Variants in SND1 observed in about 807,000 individuals in gnomAD.
SND1 encodes the protein staphylococcal nuclease and tudor domain containing 1.
In SND1, 38 loss-of-function variants were observed where a neutral mutation model predicts 121.7. That is an observed-to-expected ratio of 0.31 (90% CI 0.24 to 0.41). The LOEUF (loss-of-function observed/expected upper bound fraction) is 0.41, where lower values mean the gene tolerates loss of function less well. Ranked by LOEUF, SND1 falls within the 10% of genes least tolerant of loss-of-function variation. The probability of loss-of-function intolerance (pLI) is 1.00; values close to 1 mark genes in which losing one functional copy is unlikely to be tolerated. For missense variants in SND1, 868 were observed against 1,184.6 expected (o/e 0.73, Z 3.92); for synonymous variants, 401 against 447.4 (o/e 0.90, Z 1.31).
intron 10 of SND1, among the ~76,000 whole-genome samples, chr7:127,806,869 G>A (rs1798247627): frequency 6.6e-6 from 1 of 152,180 alleles, no homozygotes; most frequent in Admixed American, 6.5e-5. Context: ...TGAGGCACAA[G>A]AGTTGCTTGA....
chr7:127,788,648 G>A (rs1446174944), intron 10 of SND1, among the ~76,000 whole-genome samples: 1 of 152,118 alleles, frequency 6.6e-6, no homozygotes, highest in Non-Finnish European at 1.5e-5. Flanking sequence ...CTTCCAGTGG[G>A]CATGTTTTGG....
At chr7:127,978,259 G>A (rs1424542264) in intron 15 of SND1, among the ~76,000 whole-genome samples, 1 of 152,124 alleles carries the variant, frequency 6.6e-6, no homozygotes, top group Non-Finnish European at 1.5e-5. Flanking sequence ...TCACTAAGGG[G>A]TTGGCGCTCA....
At chr7:128,036,201 A>ATT (rs779653099) in intron 16 of SND1, among the ~76,000 whole-genome samples, 35 of 83,032 alleles carry the variant, frequency 4.2e-4, no homozygotes, top group Non-Finnish European at 6.2e-4. Context: ...TAATGAACAC[A>ATT]TTTGTGTGTG....
At position 127,698,565 on chromosome 7, in the gene SND1, C is replaced by G. The variant is rs571816256; in HGVS notation, c.350-310C>G. ...ACCACTTTATACTCTCTTGAGCTGC[C>G]AGCTGTGTGTGTCTTGCTTTCTTGT... On this transcript the variant is annotated intron_variant, in intron 3 of 23. Transcript: ENST00000354725. 3.9e-5 allele frequency among the ~76,000 whole-genome samples: 6 copies of G among 152,242 alleles called. No homozygotes were observed. In the East Asian group the frequency reaches 9.7e-4, roughly 24 times the overall value.
At chr7:127,864,312 G>A (rs2116688415) in intron 12 of SND1, among the ~76,000 whole-genome samples, 1 of 151,726 alleles carries the variant, frequency 6.6e-6, no homozygotes, top group South Asian at 2.1e-4. Flanking sequence ...AATACAATCT[G>A]ATGGCTTCTC....
intron 15 of SND1, among the ~76,000 whole-genome samples, chr7:127,986,815 G>A (rs1454596350): frequency 6.6e-6 from 1 of 152,244 alleles, no homozygotes; most frequent in Non-Finnish European, 1.5e-5. Flanking sequence ...AGTCAGCTGA[G>A]TCCCCCCATG....
chr7:128,062,128 G>A (rs1049526457), intron 16 of SND1, among the ~76,000 whole-genome samples: 11 of 152,244 alleles, frequency 7.2e-5, no homozygotes, highest in African/African-American at 2.4e-4. Context: ...TTCTGTGTCC[G>A]ATCTGGAGTG....
chr7:127,889,626 A>AT lies in SND1; in HGVS notation c.1454+1625dup, dbSNP rs71522260. ...TAGGTCTTATTGATTCTTTCAAGCTATTTTTTTTTTTGTACCCATTATCCA... is the reference window on the plus strand; with the variant it reads ...TAGGTCTTATTGATTCTTTCAAGCTATTTTTTTTTTTTGTACCCATTATCCA... On this transcript the variant is annotated intron_variant, in intron 13 of 23. Coordinates refer to ENST00000354725, the MANE Select transcript of SND1 (RefSeq NM_014390.4). Among the ~76,000 whole-genome samples the AT allele has an allele frequency of 2.3e-3, 337 of 147,836 alleles. 1 individual carries two copies. Among genetic ancestry groups the AT allele is most frequent in the African/African-American group, 7.4e-3 (297 of 40,390 alleles).
intron 2 of SND1, among the ~76,000 whole-genome samples, chr7:127,690,075 A>G (rs1408496631): frequency 6.6e-6 from 1 of 152,020 alleles, no homozygotes; most frequent in African/African-American, 2.4e-5. Context: ...ATGTTGAAAT[A>G]ATAGTCTCTT....
intron 16 of SND1, among the ~76,000 whole-genome samples, chr7:128,037,659 C>CCCTATA (rs1792774349): frequency 6.6e-6 from 1 of 152,124 alleles, no homozygotes; most frequent in African/African-American, 2.4e-5. Flanking sequence ...GGTGACTCTT[C>CCCTATA]CCTATACCTG....
At chr7:127,802,519 G>A (rs868235875) in intron 10 of SND1, among the ~76,000 whole-genome samples, 7 of 152,072 alleles carry the variant, frequency 4.6e-5, no homozygotes, top group African/African-American at 1.7e-4. Flanking sequence ...TTGTCCACTC[G>A]TTTTCTTTTC....
rs568307821 is a variant in SND1 at position 127,745,764 on chromosome 7, T to A, written c.1152+24364T>A. Among the ~76,000 whole-genome samples the A allele has an allele frequency of 2.6e-5, 4 of 152,336 alleles. No individual in the cohort carries two copies. The East Asian group carries it at 7.7e-4, about 29-fold the overall frequency. On this transcript the variant is annotated intron_variant, in intron 10 of 23. Transcript: ENST00000354725. ...TTTTCATCACTGAGTGGCTTGATCATAGACTTAGTAAGTTTGTGAACCCCT... is the reference window on the plus strand; with the variant it reads ...TTTTCATCACTGAGTGGCTTGATCAAAGACTTAGTAAGTTTGTGAACCCCT...
intron 16 of SND1, chr7:128,028,580 A>C (rs796839952): frequency 8.9e-7 from 1 of 1,118,816 alleles, no homozygotes. Context: ...GACTTAATAT[A>C]TAAGCATATA....
intron 10 of SND1, among the ~76,000 whole-genome samples, chr7:127,730,567 C>CT (rs764925160): frequency 2.0e-5 from 3 of 152,242 alleles, no homozygotes; most frequent in Non-Finnish European, 4.4e-5. Context: ...GTCTCAGAAT[C>CT]TGCTTACCTC....
intron 11 of SND1, among the ~76,000 whole-genome samples, chr7:127,826,115 T>C (rs573604675): frequency 1.2e-4 from 19 of 152,218 alleles, no homozygotes; most frequent in African/African-American, 4.3e-4. Flanking sequence ...TACTTGAACC[T>C]AGGAGGTGGA....
rs1007589301 is a variant in SND1 at position 127,656,328 on chromosome 7, T to C, written c.78+3877T>C. 1.8e-4 allele frequency among the ~76,000 whole-genome samples: 27 copies of C among 151,120 alleles called. 1 individual carries two copies. Among genetic ancestry groups the C allele is most frequent in the South Asian group, 6.2e-4 (3 of 4,802 alleles). On this transcript the variant is annotated intron_variant, in intron 1 of 23. Transcript: ENST00000354725. The stretch of plus-strand genomic sequence containing the variant: ...TTCTTTTTCTTTTCTTTCTTTCTTT[T>C]TTTTTTTTTTTTAAGATGGAGTCTC...
intron 14 of SND1, among the ~76,000 whole-genome samples, chr7:127,919,368 A>G (rs1164383529): frequency 6.6e-6 from 1 of 152,186 alleles, no homozygotes; most frequent in Non-Finnish European, 1.5e-5. Flanking sequence ...CATGAAATGA[A>G]GACTTGTGCC....
chr7:127,827,732 G>A (rs993783317), intron 11 of SND1, among the ~76,000 whole-genome samples: 1 of 151,974 alleles, frequency 6.6e-6, no homozygotes, highest in Non-Finnish European at 1.5e-5. Flanking sequence ...ATAATCTTCT[G>A]TCAGTTTTAA....
chr7:128,043,365 G>A (rs1422173439), intron 16 of SND1, among the ~76,000 whole-genome samples: 2 of 152,096 alleles, frequency 1.3e-5, no homozygotes, highest in Admixed American at 6.5e-5. Flanking sequence ...CTTGAGGTCA[G>A]GAGTTCGAGA....
Sources: gnomAD v4.1 joint callset for allele counts (sites outside exome capture counted in the v4.1 genomes callset) on GRCh38, gnomAD v4.1.1 for gene constraint, MANE v1.5 for transcripts, NCBI Gene and HGNC (gene_info 2026-07-23, HGNC 2026-07-21) for gene names.